RAB11FIP4: variants seen among roughly 807,000 people sequenced by gnomAD.
RAB11FIP4 encodes rab11 family-interacting protein 4.
In RAB11FIP4, 23 loss-of-function variants were observed where a neutral mutation model predicts 74.3. The observed-to-expected ratio is 0.31, with a 90% CI of 0.22 to 0.44. The LOEUF (loss-of-function observed/expected upper bound fraction) is 0.44. Among genes scored for constraint, RAB11FIP4 ranks in the 20% least tolerant of loss-of-function variants. The pLI is 1.00. For missense variants in RAB11FIP4, 630 were observed against 863.9 expected, an observed-to-expected ratio of 0.73 and a Z score of 3.39; for synonymous variants, 360 against 359.9, an observed-to-expected ratio of 1.00 and a Z score of 0.00.
chr17:31,402,185 C>CCGTG (rs1555541125), intron 1 of RAB11FIP4, among the ~76,000 whole-genome samples: 1 of 98,616 alleles, frequency 1.0e-5, no homozygotes, highest in African/African-American at 3.3e-5. Flanking sequence ...CCCCATCTGT[C>CCGTG]CATGCATCCA....
At position 31,517,600 on chromosome 17, in the gene RAB11FIP4, A is replaced by G. The variant is rs192079803; in HGVS notation, c.337-51A>G. ...CCCTTGTGGTCTGATTGGAACACTG[A>G]GCCCTGGGAAGCTGGCCTCACTTAT... On this transcript the variant is annotated intron_variant, in intron 3 of 14. Transcript: ENST00000621161. The G allele has an allele frequency of 4.0e-6, 6 of 1,518,836 alleles. No homozygotes were observed. In the Admixed American group the frequency reaches 1.2e-4, roughly 30 times the overall value. The allele number at this position is 1,518,836 out of a possible 1,614,324, so 94.1% of individuals were successfully genotyped here.
chr17:31,475,816 C>T (rs547845312), intron 3 of RAB11FIP4, among the ~76,000 whole-genome samples: 7 of 113,838 alleles, frequency 6.1e-5, no homozygotes, highest in Non-Finnish European at 7.2e-5. Flanking sequence ...TTTTTTTTGG[C>T]GATTTTGCTA....
chr17:31,452,618 T>A (rs2071536938), intron 3 of RAB11FIP4, among the ~76,000 whole-genome samples: 1 of 152,200 alleles, frequency 6.6e-6, no homozygotes, highest in South Asian at 2.1e-4. Flanking sequence ...CTGTGCCATC[T>A]TTCCCCCTAC....
intron 1 of RAB11FIP4, among the ~76,000 whole-genome samples, chr17:31,405,238 G>C (rs1186783721): frequency 6.6e-6 from 1 of 152,098 alleles, no homozygotes; most frequent in Admixed American, 6.5e-5. Flanking sequence ...GTTCACATGG[G>C]TCCTCCATGA....
chr17:31,415,425 A>G (rs2071137780), intron 1 of RAB11FIP4, among the ~76,000 whole-genome samples: 2 of 152,284 alleles, frequency 1.3e-5, no homozygotes, highest in Admixed American at 6.5e-5. Flanking sequence ...ACCCACTCCA[A>G]GGTCCCCAAG....
intron 3 of RAB11FIP4, among the ~76,000 whole-genome samples, chr17:31,482,803 C>T (rs899684231): frequency 1.3e-5 from 2 of 152,016 alleles, no homozygotes; most frequent in African/African-American, 2.4e-5. Context: ...AGTCAATGGA[C>T]CTCTGAGAGA....
chr17:31,445,198 T>C (rs1220509878), intron 3 of RAB11FIP4, among the ~76,000 whole-genome samples: 2 of 152,132 alleles, frequency 1.3e-5, no homozygotes, highest in African/African-American at 2.4e-5. Context: ...TGACTTGGTC[T>C]CCAACTTTTT....
chr17:31,529,928 C>T (rs188264886), intron 13 of RAB11FIP4, among the ~76,000 whole-genome samples: 4 of 152,316 alleles, frequency 2.6e-5, no homozygotes, highest in South Asian at 2.1e-4. Flanking sequence ...GGATTCGGAA[C>T]GTGGCTGCTG....
intron 3 of RAB11FIP4, among the ~76,000 whole-genome samples, chr17:31,483,512 A>C (rs1390029722): frequency 6.6e-6 from 1 of 152,234 alleles, no homozygotes; most frequent in Non-Finnish European, 1.5e-5. Flanking sequence ...CTTTATTCAC[A>C]TGAAGTTTCA....
At chr17:31,494,203 G>A (rs1480419252) in intron 3 of RAB11FIP4, among the ~76,000 whole-genome samples, 1 of 152,174 alleles carries the variant, frequency 6.6e-6, no homozygotes, top group African/African-American at 2.4e-5. Context: ...CTGTCTCTGG[G>A]TTCAGATCCT....
chr17:31,437,495 C>A (rs904674347), intron 3 of RAB11FIP4, among the ~76,000 whole-genome samples: 6 of 152,194 alleles, frequency 3.9e-5, no homozygotes, highest in African/African-American at 1.4e-4. Context: ...GTGCCTGGAT[C>A]ACTACGTAGG....
At chr17:31,424,056 A>G (rs1200908399) in intron 1 of RAB11FIP4, among the ~76,000 whole-genome samples, 1 of 152,048 alleles carries the variant, frequency 6.6e-6, no homozygotes, top group Non-Finnish European at 1.5e-5. Context: ...CCGGCTTCTC[A>G]TCAGAAAGAG....
At chr17:31,511,786 C>T (rs991851303) in intron 3 of RAB11FIP4, among the ~76,000 whole-genome samples, 5 of 152,228 alleles carry the variant, frequency 3.3e-5, no homozygotes, top group African/African-American at 4.8e-5. Context: ...ACGGCCCCCA[C>T]GTGTATTGAT....
intron 3 of RAB11FIP4, among the ~76,000 whole-genome samples, chr17:31,472,253 GCTCATAAAGAAC>G (rs988272685): frequency 6.6e-6 from 1 of 152,148 alleles, no homozygotes; most frequent in Non-Finnish European, 1.5e-5. Context: ...ACCGCCCTGG[GCTCATAAAGAAC>G]CACTGTGCAG....
At chr17:31,430,048 G>C (rs1246540958) in intron 1 of RAB11FIP4, among the ~76,000 whole-genome samples, 1 of 152,150 alleles carries the variant, frequency 6.6e-6, no homozygotes, top group African/African-American at 2.4e-5. Context: ...GGATAGCAGC[G>C]GGGTGGGCCC....
At chr17:31,466,414 A>G (rs2071686762) in intron 3 of RAB11FIP4, among the ~76,000 whole-genome samples, 1 of 152,140 alleles carries the variant, frequency 6.6e-6, no homozygotes. Context: ...AGGTGTTATG[A>G]GGATTAAATG....
chr17:31,500,677 A>G (rs2072201539), intron 3 of RAB11FIP4, among the ~76,000 whole-genome samples: 1 of 152,386 alleles, frequency 6.6e-6, no homozygotes, highest in African/African-American at 2.4e-5. Flanking sequence ...TGAACTGTGC[A>G]TATGCTTCTC....
intron 1 of RAB11FIP4, 29 bp downstream of exon 1, chr17:31,392,040 C>A: frequency 8.0e-7 from 1 of 1,252,316 alleles, no homozygotes; most frequent in South Asian, 2.8e-5. Flanking sequence ...AGTCCCGGCC[C>A]GGGGACCCCA....
intron 3 of RAB11FIP4, among the ~76,000 whole-genome samples, chr17:31,495,662 C>T (rs904949097): frequency 6.6e-6 from 1 of 152,162 alleles, no homozygotes; most frequent in Non-Finnish European, 1.5e-5. Flanking sequence ...ATGCTTGACT[C>T]GTCTGACTGA....
Sources: gnomAD v4.1 joint callset for allele counts (sites outside exome capture counted in the v4.1 genomes callset) on GRCh38, gnomAD v4.1.1 for gene constraint, MANE v1.5 for transcripts, NCBI Gene and HGNC (gene_info 2026-07-23, HGNC 2026-07-21) for gene names.